Variants in CLSTN2 observed in about 807,000 individuals in gnomAD.
The protein encoded by CLSTN2 is calsyntenin-2.
Under a neutral mutation model 101.2 loss-of-function variants are expected in CLSTN2, and 48 were observed. The observed-to-expected ratio is 0.47, with a 90% CI of 0.38 to 0.60. CLSTN2 has a LOEUF of 0.60. Ranked by LOEUF, CLSTN2 falls within the 20% of genes least tolerant of loss-of-function variation. CLSTN2 has a pLI of 0.00. For missense variants in CLSTN2, 1,160 were observed against 1,238.2 expected, an observed-to-expected ratio of 0.94 and a Z score of 0.95; for synonymous variants, 481 against 463.6, an observed-to-expected ratio of 1.04 and a Z score of -0.48.
At chr3:140,135,087 AAC>A (rs780837347) in intron 1 of CLSTN2, among the ~76,000 whole-genome samples, 70 of 51,372 alleles carry the variant, frequency 1.4e-3, no homozygotes, top group African/African-American at 3.2e-3. Context: ...CTCTCAAAAA[AAC>A]ACACACACAC....
intron 2 of CLSTN2, among the ~76,000 whole-genome samples, chr3:140,308,340 G>T (rs1391874988): frequency 1.3e-5 from 2 of 152,290 alleles, no homozygotes; most frequent in Admixed American, 6.5e-5. Context: ...GGTGTAAGGG[G>T]CATCAGTTCA....
intron 1 of CLSTN2, among the ~76,000 whole-genome samples, chr3:140,136,913 G>C (rs1221740758): frequency 6.6e-6 from 1 of 152,200 alleles, no homozygotes; most frequent in Non-Finnish European, 1.5e-5. Flanking sequence ...GCAGGTCACT[G>C]AAGAGATGGC....
chr3:140,120,962 A>G (rs1441126434), intron 1 of CLSTN2, among the ~76,000 whole-genome samples: 1 of 152,212 alleles, frequency 6.6e-6, no homozygotes, highest in African/African-American at 2.4e-5. Flanking sequence ...GGAATCATCT[A>G]CTAGTGTGAA....
chr3:140,155,783 C>A (rs2009943963), intron 1 of CLSTN2, among the ~76,000 whole-genome samples: 1 of 152,214 alleles, frequency 6.6e-6, no homozygotes, highest in South Asian at 2.1e-4. Context: ...TCGTCAAAGA[C>A]TTCTAATGTC....
chr3:140,126,858 G>A lies in CLSTN2; in HGVS notation c.110-49093G>A, dbSNP rs186644048. On this transcript the variant is annotated intron_variant, in intron 1 of 16. Transcript: ENST00000458420. Reference sequence around the variant, plus strand: ...TCACATCTGAACCATGCCCATCATAGTGGGCCCAGTCACTGTGTAAAGGCA... The same window carrying A: ...TCACATCTGAACCATGCCCATCATAATGGGCCCAGTCACTGTGTAAAGGCA... Among the ~76,000 whole-genome samples the A allele has an allele frequency of 3.8e-3, 575 of 152,186 alleles. 7 individuals are homozygous for A. The highest frequency in any genetic ancestry group is 2.9e-3 in the South Asian group (14 of 4,812).
At chr3:140,075,664 G>T (rs1178473974) in intron 1 of CLSTN2, among the ~76,000 whole-genome samples, 3 of 152,126 alleles carry the variant, frequency 2.0e-5, no homozygotes, top group Non-Finnish European at 4.4e-5. Flanking sequence ...GACTTCACCT[G>T]GTGTCAAGAA....
intron 7 of CLSTN2, among the ~76,000 whole-genome samples, 182 bp downstream of exon 7, chr3:140,459,951 G>T (rs1041791664): frequency 1.3e-5 from 2 of 152,188 alleles, no homozygotes; most frequent in African/African-American, 4.8e-5. Context: ...GGCTTGGCTT[G>T]ACGTAGAGCA....
At chr3:140,307,010 G>C (rs1344349639) in intron 2 of CLSTN2, among the ~76,000 whole-genome samples, 3 of 152,112 alleles carry the variant, frequency 2.0e-5, no homozygotes, top group Middle Eastern at 3.4e-3. Context: ...TATGGGGGTA[G>C]GTCTTTCCAG....
At chr3:140,317,696 G>C (rs1209199776) in intron 2 of CLSTN2, among the ~76,000 whole-genome samples, 1 of 152,160 alleles carries the variant, frequency 6.6e-6, no homozygotes, top group South Asian at 2.1e-4. Flanking sequence ...ACCTGACTCA[G>C]TATACAATTG....
intron 2 of CLSTN2, among the ~76,000 whole-genome samples, chr3:140,395,529 G>A (rs371125330): frequency 2.6e-5 from 4 of 152,272 alleles, no homozygotes; most frequent in African/African-American, 4.8e-5. Flanking sequence ...GGGCCTGTCC[G>A]AGTATCCCCA....
At chr3:139,986,476 G>GTCTGTGAC (rs1468107297) in intron 1 of CLSTN2, among the ~76,000 whole-genome samples, 2 of 152,078 alleles carry the variant, frequency 1.3e-5, no homozygotes, top group Non-Finnish European at 2.9e-5. Context: ...ACCCTGCAGG[G>GTCTGTGAC]CCTGGAATAC....
At chr3:140,427,184 AATATATATATATATATATATGTGTAT>A (rs2088575644) in intron 5 of CLSTN2, among the ~76,000 whole-genome samples, 2 of 94,198 alleles carry the variant, frequency 2.1e-5, no homozygotes, top group African/African-American at 1.6e-4. Context: ...AAAAAAAAAA[AATATATATATATATATATATGTGTAT>A]ATATATATAT....
At chr3:140,118,266 AG>A (rs1169367045) in intron 1 of CLSTN2, among the ~76,000 whole-genome samples, 1 of 152,188 alleles carries the variant, frequency 6.6e-6, no homozygotes, top group Non-Finnish European at 1.5e-5. Context: ...TTGTGTTTAA[AG>A]CCACCCAGTC....
chr3:140,302,451 A>G (rs1005516208), intron 2 of CLSTN2, among the ~76,000 whole-genome samples: 19 of 152,202 alleles, frequency 1.2e-4, no homozygotes, highest in Non-Finnish European at 2.8e-4. Context: ...CTTCTTTGCT[A>G]TTAATGAAAA....
intron 2 of CLSTN2, among the ~76,000 whole-genome samples, chr3:140,185,015 G>A (rs1345268947): frequency 6.6e-6 from 1 of 152,156 alleles, no homozygotes; most frequent in African/African-American, 2.4e-5. Flanking sequence ...CTGGAAAAAT[G>A]TTGCCAGGTA....
chr3:140,407,166 A>G (rs780942213), intron 4 of CLSTN2, among the ~76,000 whole-genome samples: 2 of 152,134 alleles, frequency 1.3e-5, no homozygotes, highest in East Asian at 1.9e-4. Flanking sequence ...GAGCTTCCCA[A>G]TTGGCCCTTA....
At chr3:140,052,308 G>A (rs192881201) in intron 1 of CLSTN2, among the ~76,000 whole-genome samples, 165 of 152,154 alleles carry the variant, frequency 1.1e-3, no homozygotes, top group Admixed American at 1.0e-3. Flanking sequence ...ACAGGCGCAC[G>A]CCACCAAAAC....
At chr3:140,370,083 A>G (rs2087833980) in intron 2 of CLSTN2, among the ~76,000 whole-genome samples, 1 of 152,218 alleles carries the variant, frequency 6.6e-6, no homozygotes, top group Non-Finnish European at 1.5e-5. Flanking sequence ...GTGACAGGTG[A>G]GAGGACGTGT....
At chr3:140,108,313 A>G (rs1255618242) in intron 1 of CLSTN2, among the ~76,000 whole-genome samples, 1 of 152,208 alleles carries the variant, frequency 6.6e-6, no homozygotes, top group Non-Finnish European at 1.5e-5. Flanking sequence ...ACTTAATACT[A>G]TATCACATGC....
Sources: gnomAD v4.1 joint callset for allele counts (sites outside exome capture counted in the v4.1 genomes callset) on GRCh38, gnomAD v4.1.1 for gene constraint, MANE v1.5 for transcripts, NCBI Gene and HGNC (gene_info 2026-07-23, HGNC 2026-07-21) for gene names.